The following TRPC6 variants were observed in gnomAD, a reference collection of about 807,000 sequenced individuals.
The protein encoded by TRPC6 is transient receptor potential cation channel subfamily C member 6.
Under a neutral mutation model 90.7 loss-of-function variants are expected in TRPC6, and 55 were observed. That is an observed-to-expected ratio of 0.61 (90% confidence interval 0.49 to 0.76). The LOEUF (loss-of-function observed/expected upper bound fraction) is 0.76. TRPC6 is among the 30% of genes least tolerant of loss of function. The probability of loss-of-function intolerance (pLI) is 0.00; values close to 1 mark genes in which losing one functional copy is unlikely to be tolerated. For synonymous variants in TRPC6, 393 were observed against 393.0 expected, an observed-to-expected ratio of 1.00 and a Z score of 0.00; for missense variants, 989 against 1,122.7, an observed-to-expected ratio of 0.88 and a Z score of 1.70.
At chr11:101,466,059 AG>A (rs1859137260) in intron 10 of TRPC6, among the ~76,000 whole-genome samples, 1 of 152,158 alleles carries the variant, frequency 6.6e-6, no homozygotes, top group African/African-American at 2.4e-5. Context: ...AGTCTGCTGG[AG>A]GTCCACTCCA....
Position 101,476,331 on chromosome 11 carries a change from A to G in TRPC6, c.1714T>C (p.Leu572=). The change falls in exon 6 of 13, where the codon TTG becomes CTG. Residue 572 remains leucine (L), a synonymous_variant. Coordinates refer to ENST00000344327, the MANE Select transcript of TRPC6 (RefSeq NM_004621.6). ...DTLKDLTKVT[L]GDNVKYYNLA... ...TTGTAGTATTTCACATTGTCTCCCA[A>G]TGTTACTTTCGTCAAGTCCTTCAAA... 2.5e-6 allele frequency: 4 copies of G among 1,614,120 alleles called. No individual in the cohort carries two copies. The highest frequency in any genetic ancestry group is 2.7e-5 in the African/African-American group (2 of 75,052).
chr11:101,551,156 GT>G (rs1861440567), intron 1 of TRPC6, among the ~76,000 whole-genome samples: 1 of 151,890 alleles, frequency 6.6e-6, no homozygotes, highest in African/African-American at 2.4e-5. Context: ...ATATCTTCAA[GT>G]CAACATCCTT....
At chr11:101,517,484 C>T (rs1049089749) in intron 1 of TRPC6, among the ~76,000 whole-genome samples, 1 of 152,160 alleles carries the variant, frequency 6.6e-6, no homozygotes, top group Non-Finnish European at 1.5e-5. Flanking sequence ...CATGTTTCCT[C>T]TATGTATCCT....
rs771248904 is a variant in TRPC6 at position 101,453,654 on chromosome 11, G to C, written c.2640C>G (p.Asn880Lys). The change falls in exon 12 of 13, where the codon AAC becomes AAG. Residue 880 changes from asparagine to lysine, a missense_variant. By Grantham distance (94) the Asn-to-Lys change is moderately conservative. Transcript: ENST00000344327. ...TTGCTTCTGCGTTCAACTCACCTTCGTTCACTTCATCACTCTCCTTATCTA... is the reference window on the plus strand; with the variant it reads ...TTGCTTCTGCGTTCAACTCACCTTCCTTCACTTCATCACTCTCCTTATCTA... ...AQIDKESDEVNEGELKEIKQD... is the reference protein window; with the variant it reads ...AQIDKESDEVKEGELKEIKQD... The C allele has an allele frequency of 1.9e-6, 3 of 1,613,764 alleles. No individual in the cohort carries two copies. The highest frequency in any genetic ancestry group is 2.2e-5 in the East Asian group (1 of 44,878).
In TRPC6 at chr11:101,452,663, T is replaced by TACATGG. The variant is rs1464219215; in HGVS notation, c.*286_*291dup. On this transcript the variant is annotated 3_prime_UTR_variant, in exon 13 of 13. Transcript: ENST00000344327. Reference sequence around the variant, plus strand: ...CTGGGACCCATTTTCAGGCAGACACTACATGGCAATGACATCATCACAAGA... The same window carrying TACATGG: ...CTGGGACCCATTTTCAGGCAGACACTACATGGACATGGCAATGACATCATCACAAGA... The TACATGG allele has an allele frequency of 5.5e-6, 2 of 361,612 alleles. No individual in the cohort carries two copies. Among genetic ancestry groups the TACATGG allele is most frequent in the East Asian group, 1.2e-4 (2 of 16,306 alleles). 22.4% of individuals were successfully genotyped at this position (361,612 alleles called of 1,614,324 possible).
rs1329976434 is a variant in TRPC6, at chr11:101,490,722, C to G, written c.1128+834G>C. ...CCACCCATCTCAGCCTCCCAAAGTG[C>G]TGGGATTACAGGCATGAGCCATTGT... On this transcript the variant is annotated intron_variant, in intron 3 of 12. Transcript: ENST00000344327. Among the ~76,000 whole-genome samples, 4 of 152,310 alleles carry G rather than the reference C, an allele frequency of 2.6e-5. No homozygotes were observed. In the East Asian group the frequency reaches 7.7e-4, roughly 29 times the overall value.
At chr11:101,530,296 C>G (rs1860881093) in intron 1 of TRPC6, among the ~76,000 whole-genome samples, 1 of 152,016 alleles carries the variant, frequency 6.6e-6, no homozygotes, top group Non-Finnish European at 1.5e-5. Flanking sequence ...TGTATGTACC[C>G]TGGGAAGCAG....
At chr11:101,531,037 A>G (rs148301628) in intron 1 of TRPC6, among the ~76,000 whole-genome samples, 26 of 152,240 alleles carry the variant, frequency 1.7e-4, no homozygotes, top group African/African-American at 5.5e-4. Flanking sequence ...ATAATACTGT[A>G]TTGTTGACTT....
intron 1 of TRPC6, among the ~76,000 whole-genome samples, chr11:101,528,072 C>CA (rs1343120306): frequency 6.6e-6 from 1 of 151,522 alleles, no homozygotes; most frequent in African/African-American, 2.4e-5. Context: ...GACTCCATCT[C>CA]AAAAAAATAT....
At chr11:101,565,902 T>G (rs1051696331) in intron 1 of TRPC6, among the ~76,000 whole-genome samples, 3 of 152,202 alleles carry the variant, frequency 2.0e-5, no homozygotes, top group African/African-American at 7.2e-5. Context: ...TGAAAACCAC[T>G]AATTAAAACA....
At chr11:101,583,305 C>G (rs1310996706) in intron 1 of TRPC6, 29 bp downstream of exon 1, 1 of 1,556,460 alleles carries the variant, frequency 6.4e-7, no homozygotes, top group Admixed American at 1.8e-5. Flanking sequence ...CAGCCCGCGC[C>G]CGATCCGCCC....
intron 4 of TRPC6, among the ~76,000 whole-genome samples, chr11:101,485,700 A>C (rs572185855): frequency 6.6e-6 from 1 of 152,164 alleles, no homozygotes; most frequent in Non-Finnish European, 1.5e-5. Flanking sequence ...GAAGAATAAG[A>C]AGCAGCTTTC....
chr11:101,550,460 AATTTT>A (rs562650386), intron 1 of TRPC6, among the ~76,000 whole-genome samples: 8 of 151,682 alleles, frequency 5.3e-5, no homozygotes, highest in Non-Finnish European at 1.0e-4. Flanking sequence ...TCTTAATTTT[AATTTT>A]ATTTCTGCTA....
At chr11:101,545,877 C>A (rs531757961) in intron 1 of TRPC6, among the ~76,000 whole-genome samples, 2 of 151,940 alleles carry the variant, frequency 1.3e-5, no homozygotes, top group Non-Finnish European at 2.9e-5. Flanking sequence ...ACACGTGTAG[C>A]ATTTCTGGTG....
chr11:101,550,989 A>T (rs12222977), intron 1 of TRPC6, among the ~76,000 whole-genome samples: 36,900 of 151,592 alleles, frequency 0.24, 4,817 homozygotes, highest in East Asian at 0.41. Context: ...TGGTGCTACA[A>T]TGACCAAAAT....
In TRPC6 at chr11:101,499,761, GTATA is replaced by G. The variant is rs372490699; in HGVS notation, c.945+4259_945+4262del. 2.0e-4 allele frequency among the ~76,000 whole-genome samples: 5 copies of G among 25,140 alleles called. 2 individuals are homozygous for G. The highest frequency in any genetic ancestry group is 1.2e-3 in the African/African-American group (4 of 3,412). 16.5% of individuals were successfully genotyped at this position (25,140 alleles called of 152,430 possible). On this transcript the variant is annotated intron_variant, in intron 2 of 12. Transcript: ENST00000344327. ...TATATATATACACAATATATAATGT[GTATA>G]TATATATATACACAGTATAAAATGT...
chr11:101,485,445 A>C (rs1301319503), intron 4 of TRPC6, among the ~76,000 whole-genome samples: 1 of 152,050 alleles, frequency 6.6e-6, no homozygotes, highest in Non-Finnish European at 1.5e-5. Context: ...TATTTCCATG[A>C]TATGTTTCAC....
At chr11:101,524,978 C>G (rs1207332919) in intron 1 of TRPC6, among the ~76,000 whole-genome samples, 2 of 152,200 alleles carry the variant, frequency 1.3e-5, no homozygotes, top group Non-Finnish European at 2.9e-5. Context: ...AACAATCAAT[C>G]AAGTCTCATT....
At chr11:101,490,745 T>C (rs1159828025) in intron 3 of TRPC6, among the ~76,000 whole-genome samples, 3 of 152,322 alleles carry the variant, frequency 2.0e-5, no homozygotes, top group African/African-American at 7.2e-5. Flanking sequence ...CATGAGCCAT[T>C]GTGCCCGGCC....
Sources: gnomAD v4.1 joint callset for allele counts (sites outside exome capture counted in the v4.1 genomes callset) on GRCh38, gnomAD v4.1.1 for gene constraint, MANE v1.5 for transcripts, NCBI Gene and HGNC (gene_info 2026-07-23, HGNC 2026-07-21) for gene names.